Variants in SLC2A7 observed in about 807,000 individuals in gnomAD.
SLC2A7 encodes the protein solute carrier family 2, facilitated glucose transporter member 7.
Under a neutral mutation model 50.5 loss-of-function variants are expected in SLC2A7, and 50 were observed. The ratio of observed to expected loss-of-function variants is 0.99; its 90% CI spans 0.79 to 1.25. The LOEUF (loss-of-function observed/expected upper bound fraction) is 1.25, where lower values mean the gene tolerates loss of function less well. Among genes scored for constraint, SLC2A7 ranks in the 50% most tolerant of loss-of-function variants. The pLI is 0.00. For missense variants in SLC2A7, 683 were observed against 679.1 expected, an observed-to-expected ratio of 1.01 and a Z score of -0.06; for synonymous variants, 308 against 300.4, an observed-to-expected ratio of 1.03 and a Z score of -0.26.
intron 5 of SLC2A7, among the ~76,000 whole-genome samples, chr1:9,015,477 G>A (rs1212928304): frequency 6.6e-6 from 1 of 152,196 alleles, no homozygotes; most frequent in African/African-American, 2.4e-5. Flanking sequence ...CTAAAGAATA[G>A]GCAATGATTT....
At position 9,014,672 on chromosome 1, in the gene SLC2A7, C is replaced by A; in HGVS notation, c.903+9G>T. 2 of 1,553,008 alleles carry A rather than the reference C, an allele frequency of 1.3e-6. No individual in the cohort carries two copies. Among genetic ancestry groups the A allele is most frequent in the Non-Finnish European group, 1.7e-6 (2 of 1,148,024 alleles). On this transcript the variant is annotated intron_variant, in intron 7 of 11. Transcript: ENST00000400906. Reference sequence around the variant, plus strand: ...ATCTGTCTCCCTGCCTGGCCACCGTCCCACATACCGCATTGATGCCCGACA... The same window carrying A: ...ATCTGTCTCCCTGCCTGGCCACCGTACCACATACCGCATTGATGCCCGACA...
At position 9,021,426 on chromosome 1, in the gene SLC2A7, T is replaced by C. The variant is rs1461590612; in HGVS notation, c.311+1492A>G. Among the ~76,000 whole-genome samples, 5 of 151,902 alleles carry C rather than the reference T, an allele frequency of 3.3e-5. 1 individual carries two copies. The highest frequency in any genetic ancestry group is 7.4e-5 in the Non-Finnish European group (5 of 68,002). ...AGCAGCCCCAGGACTACCTTTGTGA[T>C]TGTCTCACACTTTGCACACATCTTT... is the stretch of plus-strand genomic sequence containing the variant. On this transcript the variant is annotated intron_variant, in intron 3 of 11. Transcript: ENST00000400906.
downstream of SLC2A7, among the ~76,000 whole-genome samples, chr1:9,001,599 G>A (rs1470152578): frequency 6.6e-6 from 1 of 151,872 alleles, no homozygotes; most frequent in East Asian, 1.9e-4. Context: ...TGTATTTTCA[G>A]TAGAGACGGG....
At position 9,008,450 on chromosome 1, in the gene SLC2A7, C is replaced by A. The variant is rs568547040; in HGVS notation, c.1117-1065G>T. 2.6e-4 allele frequency among the ~76,000 whole-genome samples: 40 copies of A among 152,286 alleles called. No homozygotes were observed. Among genetic ancestry groups the A allele is most frequent in the Admixed American group, 1.1e-3 (17 of 15,300 alleles). ...GCTGCTGCTGCATTTTCAGGCAGAG[C>A]CCCTGGTTGGACAGAAGGAGTGAAA... On this transcript the variant is annotated intron_variant, in intron 9 of 11. Coordinates refer to ENST00000400906, the MANE Select transcript of SLC2A7 (RefSeq NM_207420.3). This position sits in a 1 kb window ranked among gnomAD's most constrained non-coding sequence, Gnocchi z 5.9.
chr1:9,026,329 G>A lies in SLC2A7; in HGVS notation c.17C>T (p.Ala6Val), dbSNP rs150973958. 563 of 1,608,796 alleles carry A rather than the reference G, an allele frequency of 3.5e-4. 1 individual carries two copies. The African/African-American group carries it at 5.8e-3, about 17-fold the overall frequency. ...GGATGGAATGGGTGGAGGGGTTCCC[G>A]CCTCTTTGTTCTCCATCCTTGTTCA... is the stretch of plus-strand genomic sequence containing the variant. MENKE[A>V]GTPPPIPSRE... is the part of the protein sequence containing the mutation. The change falls in exon 1 of 12, where the codon GCG becomes GTG. Residue 6 changes from alanine to valine, a missense_variant. Coordinates refer to ENST00000400906, the MANE Select transcript of SLC2A7 (RefSeq NM_207420.3).
chr1:9,009,722 T>G (rs748802071), intron 9 of SLC2A7, among the ~76,000 whole-genome samples: 1 of 152,232 alleles, frequency 6.6e-6, no homozygotes, highest in Non-Finnish European at 1.5e-5. Context: ...CCTCCCAAAG[T>G]GCTAGGATTG....
the SLC2A7 span, among the ~76,000 whole-genome samples, chr1:8,996,647 G>A: frequency 6.6e-6 from 1 of 152,190 alleles, no homozygotes; most frequent in Non-Finnish European, 1.5e-5. Context: ...ACCAGCCGTG[G>A]ACCCGCGTTC....
At chr1:8,992,949 A>C in the SLC2A7 span, among the ~76,000 whole-genome samples, 1 of 152,230 alleles carries the variant, frequency 6.6e-6, no homozygotes, top group African/African-American at 2.4e-5. Flanking sequence ...ATTAGGAAAG[A>C]AGCCCACCTA....
downstream of SLC2A7, among the ~76,000 whole-genome samples, chr1:9,000,951 G>C (rs1486141187): frequency 2.0e-5 from 3 of 152,086 alleles, no homozygotes; most frequent in East Asian, 5.8e-4. Context: ...TGAAGCCCCA[G>C]ATGTCAAAGG....
At chr1:9,021,831 A>G (rs1483126819) in intron 3 of SLC2A7, among the ~76,000 whole-genome samples, 1 of 152,172 alleles carries the variant, frequency 6.6e-6, no homozygotes, top group Non-Finnish European at 1.5e-5. Context: ...TGGCACCACC[A>G]CATTCCTGGA....
At chr1:9,000,593 T>C (rs1640560469), downstream of SLC2A7, among the ~76,000 whole-genome samples, 1 of 151,998 alleles carries the variant, frequency 6.6e-6, no homozygotes, top group Non-Finnish European at 1.5e-5. Flanking sequence ...CACTCCAGCC[T>C]GGGCAACAGA....
Position 9,025,618 on chromosome 1 carries a change from CG to C in SLC2A7, c.52-545del, listed in dbSNP as rs988518073. 3.0e-4 allele frequency among the ~76,000 whole-genome samples: 46 copies of C among 152,246 alleles called. 1 individual carries two copies. The highest frequency in any genetic ancestry group is 5.6e-4 in the Non-Finnish European group (38 of 68,004). On this transcript the variant is annotated intron_variant, in intron 1 of 11. Coordinates refer to ENST00000400906, the MANE Select transcript of SLC2A7 (RefSeq NM_207420.3). Reference sequence around the variant, plus strand: ...TGAGAGGGAGCAGCTGTGTAAGCATCGGGGGGAAGAGCATCCCAGACAGAGG... The same window carrying C: ...TGAGAGGGAGCAGCTGTGTAAGCATCGGGGGAAGAGCATCCCAGACAGAGG...
At chr1:9,007,254 T>A in intron 10 of SLC2A7, 56 bp downstream of exon 10, 1 of 1,585,168 alleles carries the variant, frequency 6.3e-7, no homozygotes, top group Non-Finnish European at 8.7e-7. Context: ...TGACTGTGTG[T>A]CAGGCCCAGG....
At chr1:8,994,797 G>A in the SLC2A7 span, among the ~76,000 whole-genome samples, 1 of 151,834 alleles carries the variant, frequency 6.6e-6, no homozygotes, top group Non-Finnish European at 1.5e-5. Context: ...TTGAGATGGA[G>A]TCTTGCTCCA....
At chr1:9,003,818 A>G (rs1436919134) in intron 11 of SLC2A7, among the ~76,000 whole-genome samples, 1 of 152,152 alleles carries the variant, frequency 6.6e-6, no homozygotes. Flanking sequence ...AGATCGCGCT[A>G]CTGCACTCCA....
chr1:9,020,673 C>CTTTTTTTTTTTTTTTTTT (rs201609038), intron 3 of SLC2A7, among the ~76,000 whole-genome samples: 1 of 138,346 alleles, frequency 7.2e-6, no homozygotes. Flanking sequence ...CTGATATTCT[C>CTTTTTTTTTTTTTTTTTT]TCTTTTTTTT....
chr1:8,996,016 C>T, the SLC2A7 span, among the ~76,000 whole-genome samples: 2 of 152,206 alleles, frequency 1.3e-5, no homozygotes, highest in Non-Finnish European at 2.9e-5. Context: ...GATCTGCCTG[C>T]CTTGGCCTCC....
intron 1 of SLC2A7, 103 bp downstream of exon 1, chr1:9,026,192 A>C (rs981246729): frequency 7.9e-7 from 1 of 1,271,938 alleles, no homozygotes; most frequent in Non-Finnish European, 1.1e-6. Context: ...GAAGCACGCT[A>C]CCCGCTCCTT....
chr1:9,013,003 G>T (rs1311334203), intron 8 of SLC2A7, among the ~76,000 whole-genome samples: 2 of 152,082 alleles, frequency 1.3e-5, no homozygotes, highest in Non-Finnish European at 2.9e-5. Context: ...TGATTCTCCT[G>T]ACTCGGCCTC....
Sources: allele counts gnomAD v4.1 joint callset (sites outside exome capture counted in the v4.1 genomes callset), GRCh38; gene constraint gnomAD v4.1.1; non-coding constraint Gnocchi (gnomAD v3.1); transcripts MANE v1.5; gene names NCBI Gene and HGNC (gene_info 2026-07-23, HGNC 2026-07-21).